Variants in WFDC11 observed in about 807,000 individuals in gnomAD.
WFDC11 encodes WAP four-disulfide core domain 11, also known as protein WFDC11.
In WFDC11, 9 loss-of-function variants were observed where a neutral mutation model predicts 9.9. The ratio of observed to expected loss-of-function variants is 0.91; its 90% CI spans 0.55 to 1.58. WFDC11 has a LOEUF of 1.58. Among genes scored for constraint, WFDC11 ranks in the 40% most tolerant of loss-of-function variants. The pLI is 0.00. For missense variants in WFDC11, 106 were observed against 101.7 expected (o/e 1.04, Z -0.18); for synonymous variants, 32 against 33.3 (o/e 0.96, Z 0.13).
chr20:45,665,239 T>C (rs561493058), intron 2 of WFDC11, among the ~76,000 whole-genome samples: 1 of 152,356 alleles, frequency 6.6e-6, no homozygotes, highest in South Asian at 2.1e-4. Flanking sequence ...ATCACGAAGT[T>C]CTCGTGCCAT....
chr20:45,668,736 A>G (rs1983236474), intron 1 of WFDC11, among the ~76,000 whole-genome samples: 1 of 152,104 alleles, frequency 6.6e-6, no homozygotes, highest in South Asian at 2.1e-4. Context: ...TTTACAATAA[A>G]TATTTTCCTG....
At chr20:45,653,527 C>G (rs1982856505) in intron 2 of WFDC11, among the ~76,000 whole-genome samples, 1 of 151,724 alleles carries the variant, frequency 6.6e-6, no homozygotes, top group African/African-American at 2.4e-5. Flanking sequence ...CATCAACTAA[C>G]AAGCAAAATA....
Position 45,651,376 on chromosome 20 carries a change from G to GT in WFDC11, c.-51-726dup, listed in dbSNP as rs199599002. On this transcript the variant is annotated intron_variant, in intron 2 of 4. Transcript: ENST00000324384. ...AGTACCCATCAACCATTCTGGAGGGGTTTTTTTTGTTTTGTTTGTTTGTTT... is the reference window on the plus strand; with the variant it reads ...AGTACCCATCAACCATTCTGGAGGGGTTTTTTTTTGTTTTGTTTGTTTGTTT... 3.0e-3 allele frequency among the ~76,000 whole-genome samples: 453 copies of GT among 151,798 alleles called. 10 individuals carry two copies. The highest frequency in any genetic ancestry group is 0.026 in the Admixed American group (399 of 15,238).
At chr20:45,653,848 T>C (rs1310331308) in intron 2 of WFDC11, among the ~76,000 whole-genome samples, 1 of 152,112 alleles carries the variant, frequency 6.6e-6, no homozygotes, top group African/African-American at 2.4e-5. Flanking sequence ...CATTACATAA[T>C]GGTAAAGGGA....
At chr20:45,654,472 G>C (rs1187266116) in intron 2 of WFDC11, among the ~76,000 whole-genome samples, 3 of 152,178 alleles carry the variant, frequency 2.0e-5, no homozygotes, top group Non-Finnish European at 2.9e-5. Flanking sequence ...GCCCACAAGA[G>C]AGAGCAGGAA....
intron 2 of WFDC11, 36 bp downstream of exon 2, chr20:45,667,052 C>A (rs74722859): frequency 1.3e-5 from 2 of 152,244 alleles, no homozygotes; most frequent in African/African-American, 4.8e-5. Flanking sequence ...TTTACAGGCT[C>A]ACACTTCCAG....
chr20:45,650,460 C>T, intron 3 of WFDC11, 41 bp downstream of exon 3: 5 of 1,541,876 alleles, frequency 3.2e-6, no homozygotes, highest in Non-Finnish European at 4.5e-6. Flanking sequence ...GAAACAAGCT[C>T]ATCCCCCTCC....
At chr20:45,651,757 C>T (rs1982812641) in intron 2 of WFDC11, among the ~76,000 whole-genome samples, 1 of 152,222 alleles carries the variant, frequency 6.6e-6, no homozygotes, top group African/African-American at 2.4e-5. Flanking sequence ...GCTTTTCCAA[C>T]AGTCTTAGCA....
chr20:45,653,456 G>A (rs1327687972), intron 2 of WFDC11, among the ~76,000 whole-genome samples: 3 of 151,914 alleles, frequency 2.0e-5, no homozygotes, highest in Non-Finnish European at 2.9e-5. Flanking sequence ...AGGAACAATT[G>A]GTACCAGCCA....
chr20:45,656,595 TTAATC>T (rs1485042769), intron 2 of WFDC11, among the ~76,000 whole-genome samples: 1 of 151,834 alleles, frequency 6.6e-6, no homozygotes, highest in Non-Finnish European at 1.5e-5. Context: ...TGGGATCTAA[TTAATC>T]TAAAGAGCTT....
intron 2 of WFDC11, among the ~76,000 whole-genome samples, chr20:45,660,748 A>C (rs920608054): frequency 1.3e-5 from 2 of 152,106 alleles, no homozygotes; most frequent in Non-Finnish European, 2.9e-5. Context: ...ACATGAACTC[A>C]CCATTTTTTA....
chr20:45,649,611 TC>T (rs543661463), intron 3 of WFDC11, among the ~76,000 whole-genome samples: 103 of 152,344 alleles, frequency 6.8e-4, no homozygotes, highest in Non-Finnish European at 3.4e-4. Flanking sequence ...TTCACTGACT[TC>T]TTTTCCTTCT....
In WFDC11 at chr20:45,650,525, C is replaced by T; in HGVS notation, c.76G>A (p.Glu26Lys). 6.2e-7 allele frequency: 1 copy of T among 1,614,064 alleles called. No individual in the cohort carries two copies. Residue 26 changes from glutamate (E) to lysine (K), a missense_variant, in exon 3 of 5, where the codon GAA (glutamate) becomes AAA (lysine). Coordinates refer to ENST00000324384, the MANE Select transcript of WFDC11 (RefSeq NM_147197.2). ...CTGTCATATCTTTTCTTCCTCATTTCTCCCAGCACAGACAGTAGCACCGTA... is the reference window on the plus strand; with the variant it reads ...CTGTCATATCTTTTCTTCCTCATTTTTCCCAGCACAGACAGTAGCACCGTA... ...FCTVLLSVLG[E>K]MRKKRYDRKE... is the part of the protein sequence containing the mutation.
chr20:45,660,812 A>G (rs1284857101), intron 2 of WFDC11, among the ~76,000 whole-genome samples: 2 of 152,138 alleles, frequency 1.3e-5, no homozygotes, highest in African/African-American at 4.8e-5. Flanking sequence ...AATCCAGTCT[A>G]TCATTGTTGG....
chr20:45,654,845 A>T (rs1982888032), intron 2 of WFDC11, among the ~76,000 whole-genome samples: 1 of 152,236 alleles, frequency 6.6e-6, no homozygotes. Flanking sequence ...AAAGGCATAA[A>T]TTCCTTGACA....
Position 45,648,706 on chromosome 20 carries a change from G to C in WFDC11, c.*13C>G, listed in dbSNP as rs1982734280. 1 of 1,613,992 alleles carries C rather than the reference G, an allele frequency of 6.2e-7. No homozygotes were observed. The highest frequency in any genetic ancestry group is 1.3e-5 in the African/African-American group (1 of 74,910). On this transcript the variant is annotated 3_prime_UTR_variant, in exon 5 of 5. Transcript: ENST00000324384. ...AGCCCACACAGGTGGCAGCCTGGTG[G>C]GAAGCTACGGTTTTAGTAATCTCCA...
At chr20:45,663,177 A>G (rs923493149) in intron 2 of WFDC11, among the ~76,000 whole-genome samples, 4 of 152,010 alleles carry the variant, frequency 2.6e-5, no homozygotes, top group Admixed American at 6.6e-5. Flanking sequence ...GAATTTATCC[A>G]TTTCTTCTAC....
Position 45,648,714 on chromosome 20 carries a change from C to T in WFDC11, c.*5G>A, listed in dbSNP as rs1489400550. 37 of 1,614,012 alleles carry T rather than the reference C, an allele frequency of 2.3e-5. No homozygotes were observed. Among genetic ancestry groups the T allele is most frequent in the Non-Finnish European group, 2.7e-5 (32 of 1,179,986 alleles). On this transcript the variant is annotated 3_prime_UTR_variant, in exon 5 of 5. Transcript: ENST00000324384. ...CAGGTGGCAGCCTGGTGGGAAGCTA[C>T]GGTTTTAGTAATCTCCACTGGTTTC...
At chr20:45,654,974 T>G (rs970615480) in intron 2 of WFDC11, among the ~76,000 whole-genome samples, 1 of 152,106 alleles carries the variant, frequency 6.6e-6, no homozygotes. Flanking sequence ...CAGGACCAGA[T>G]GGATTCACAG....
Sources: gnomAD v4.1 joint callset for allele counts (sites outside exome capture counted in the v4.1 genomes callset) on GRCh38, gnomAD v4.1.1 for gene constraint, MANE v1.5 for transcripts, NCBI Gene and HGNC (gene_info 2026-07-23, HGNC 2026-07-21) for gene names.